TGIF1: variants seen among roughly 807,000 people sequenced by gnomAD.
TGIF1 encodes homeobox protein TGIF1.
In TGIF1, 4 loss-of-function variants were observed where a neutral mutation model predicts 19.3. That is an observed-to-expected ratio of 0.21 (90% confidence interval 0.10 to 0.47). The LOEUF is 0.47. TGIF1 is among the 20% of genes least tolerant of loss of function. The probability of loss-of-function intolerance (pLI) is 0.98; values close to 1 mark genes in which losing one functional copy is unlikely to be tolerated. For synonymous variants in TGIF1, 122 were observed against 129.3 expected (o/e 0.94, Z 0.38); for missense variants, 275 against 341.4 (o/e 0.81, Z 1.53).
At chr18:3,449,573 C>A (rs1234183195), upstream of TGIF1, 14 of 902,738 alleles carry the variant, frequency 1.6e-5, no homozygotes, top group Non-Finnish European at 1.8e-5. Context: ...CTCCCACTGT[C>A]GCTGCTGGAG....
chr18:3,444,022 C>T (rs1286769614), intron 2 of TGIF1, among the ~76,000 whole-genome samples: 1 of 151,552 alleles, frequency 6.6e-6, no homozygotes, highest in East Asian at 1.9e-4. Flanking sequence ...GCAACCTCCA[C>T]CTCCCGGGTT....
chr18:3,446,181 CG>C (rs1316543557), upstream of TGIF1, among the ~76,000 whole-genome samples: 4 of 152,004 alleles, frequency 2.6e-5, no homozygotes, highest in Admixed American at 2.6e-4. Context: ...ATTATCTTTC[CG>C]TTTTTTTGTT....
At chr18:3,412,156 G>C (rs1353458777) in exon 1 of TGIF1, 1 of 152,322 alleles carries the variant, frequency 6.6e-6, no homozygotes, top group Non-Finnish European at 1.5e-5. Context: ...TTCCAGCCCC[G>C]CCGCGGTTCC....
At chr18:3,450,547 CG>C in intron 1 of TGIF1, 42 bp downstream of exon 1, 1 of 1,554,588 alleles carries the variant, frequency 6.4e-7, no homozygotes, top group South Asian at 1.2e-5. Context: ...GACGCGAGTC[CG>C]GGGAAACGTG....
rs1263624165 is a variant in TGIF1 at position 3,451,913 on chromosome 18, C to T, written c.16+1408C>T. 2.0e-6 allele frequency: 3 copies of T among 1,529,580 alleles called. No homozygotes were observed. Among genetic ancestry groups the T allele is most frequent in the Non-Finnish European group, 2.6e-6 (3 of 1,139,162 alleles). 94.8% of individuals were successfully genotyped at this position (1,529,580 alleles called of 1,614,324 possible). A position where few individuals can be genotyped will look rare whatever the true frequency, so the allele number is the denominator to read the frequency against. ...CCGACCCTTGGGAGGACTGACAGGTCTAGAGACACGCGCTGTCTGTTGTGG... is the reference window on the plus strand; with the variant it reads ...CCGACCCTTGGGAGGACTGACAGGTTTAGAGACACGCGCTGTCTGTTGTGG... On this transcript the variant is annotated intron_variant, in intron 1 of 2. Coordinates refer to ENST00000343820, the MANE Select transcript of TGIF1 (RefSeq NM_003244.4). This position sits in a 1 kb window ranked among gnomAD's most constrained non-coding sequence, Gnocchi z 5.4.
At chr18:3,425,460 A>G (rs1050987307) in intron 2 of TGIF1, among the ~76,000 whole-genome samples, 2 of 152,252 alleles carry the variant, frequency 1.3e-5, no homozygotes, top group Non-Finnish European at 2.9e-5. Context: ...TCCGAAAGTC[A>G]TAAGATTTGC....
In TGIF1 at chr18:3,451,965, C is replaced by T; in HGVS notation, c.16+1460C>T. On this transcript the variant is annotated intron_variant, in intron 1 of 2. Transcript: ENST00000343820. This position sits in a 1 kb window ranked among gnomAD's most constrained non-coding sequence, Gnocchi z 5.4. ...GGGCCTCCCGGGAATAAGTGAGGGGCTCTGTGTTTCGAGGATGGTTCTAGC... is the reference window on the plus strand; with the variant it reads ...GGGCCTCCCGGGAATAAGTGAGGGGTTCTGTGTTTCGAGGATGGTTCTAGC... The T allele has an allele frequency of 6.4e-7, 1 of 1,569,126 alleles. No individual in the cohort carries two copies.
intron 1 of TGIF1, among the ~76,000 whole-genome samples, chr18:3,414,869 C>T (rs1294256476): frequency 6.6e-6 from 1 of 152,048 alleles, no homozygotes; most frequent in Non-Finnish European, 1.5e-5. Context: ...AGTAAAGAGA[C>T]CTCTCCTCCC....
chr18:3,448,386 GC>G (rs1163692312), upstream of TGIF1: 62 of 1,006,880 alleles, frequency 6.2e-5, no homozygotes, highest in Non-Finnish European at 7.4e-5. Context: ...GGGGGCGCTG[GC>G]CCCCTCCCTG....
intron 2 of TGIF1, among the ~76,000 whole-genome samples, chr18:3,422,810 C>G (rs2143145061): frequency 6.6e-6 from 1 of 151,194 alleles, no homozygotes; most frequent in Admixed American, 6.6e-5. Flanking sequence ...CCTGCCTCAG[C>G]CTCCTGAGTA....
intron 2 of TGIF1, among the ~76,000 whole-genome samples, chr18:3,433,085 T>C (rs1163308366): frequency 1.3e-5 from 2 of 151,486 alleles, no homozygotes; most frequent in Non-Finnish European, 2.9e-5. Context: ...TTTTTTTTTT[T>C]GAGACTGATT....
Position 3,421,226 on chromosome 18 carries a change from A to G in TGIF1, c.-45+3011A>G, listed in dbSNP as rs143681624. Among the ~76,000 whole-genome samples, 1,096 of 147,878 alleles carry G rather than the reference A, an allele frequency of 7.4e-3. 27 individuals carry two copies. The highest frequency in any genetic ancestry group is 0.027 in the African/African-American group (1,060 of 39,582). On this transcript the variant is annotated intron_variant, in intron 2 of 3. Transcript: ENST00000401449. ...CAAGTTACCTGTTTATGAGTTTACTATACTATATATATACATTTATATATA... is the reference window on the plus strand; with the variant it reads ...CAAGTTACCTGTTTATGAGTTTACTGTACTATATATATACATTTATATATA...
chr18:3,420,772 C>A (rs533808730), intron 2 of TGIF1, among the ~76,000 whole-genome samples: 1 of 152,260 alleles, frequency 6.6e-6, no homozygotes, highest in East Asian at 1.9e-4. Flanking sequence ...GGCCCTTAGC[C>A]CTTAGTTCTA....
upstream of TGIF1, chr18:3,447,658 G>C: frequency 1.3e-6 from 2 of 1,528,176 alleles, no homozygotes; most frequent in African/African-American, 1.4e-5. Flanking sequence ...GGAGCGGTTG[G>C]GCTGTAAGCT....
intron 2 of TGIF1, among the ~76,000 whole-genome samples, chr18:3,442,341 A>G (rs1226230982): frequency 6.6e-6 from 1 of 152,216 alleles, no homozygotes; most frequent in Non-Finnish European, 1.5e-5. Context: ...AAGAAAAGGA[A>G]TAAGTTAAAA....
intron 2 of TGIF1, among the ~76,000 whole-genome samples, chr18:3,430,111 G>T (rs939502266): frequency 2.0e-5 from 3 of 152,190 alleles, no homozygotes; most frequent in African/African-American, 7.2e-5. Context: ...AGCTGAGATC[G>T]CAACATTGCA....
intron 2 of TGIF1, among the ~76,000 whole-genome samples, chr18:3,424,386 G>T (rs962968963): frequency 4.6e-5 from 7 of 152,080 alleles, no homozygotes; most frequent in African/African-American, 1.7e-4. Flanking sequence ...TCCATGGGTG[G>T]GAAGTTCAGC....
intron 2 of TGIF1, among the ~76,000 whole-genome samples, chr18:3,434,542 A>C (rs1417806299): frequency 6.6e-6 from 1 of 151,432 alleles, no homozygotes; most frequent in Non-Finnish European, 1.5e-5. Context: ...ATCTCAAAAA[A>C]TAAAAATAAA....
intron 2 of TGIF1, among the ~76,000 whole-genome samples, chr18:3,435,418 G>A (rs1398104941): frequency 6.6e-6 from 1 of 151,970 alleles, no homozygotes; most frequent in Non-Finnish European, 1.5e-5. Flanking sequence ...GGCTGGTCTC[G>A]AACTCCTGAG....
Sources: allele counts gnomAD v4.1 joint callset (sites outside exome capture counted in the v4.1 genomes callset), GRCh38; gene constraint gnomAD v4.1.1; non-coding constraint Gnocchi (gnomAD v3.1); transcripts MANE v1.5; gene names NCBI Gene and HGNC (gene_info 2026-07-23, HGNC 2026-07-21).